DNAH8: variants seen among roughly 807,000 people sequenced by gnomAD.
The protein encoded by DNAH8 is dynein axonemal heavy chain 8.
Under a neutral mutation model 562.1 loss-of-function variants are expected in DNAH8, and 382 were observed. That is an observed-to-expected ratio of 0.68 (90% CI 0.63 to 0.74). The LOEUF (loss-of-function observed/expected upper bound fraction) is 0.74. Ranked by LOEUF, DNAH8 falls within the 30% of genes least tolerant of loss-of-function variation. The pLI is 0.00. For missense variants in DNAH8, 5,203 were observed against 5,620.4 expected, an observed-to-expected ratio of 0.93 and a Z score of 2.37; for synonymous variants, 1,881 against 1,919.4, an observed-to-expected ratio of 0.98 and a Z score of 0.52.
chr6:38,988,631 C>T (rs1764573733), intron 87 of DNAH8, among the ~76,000 whole-genome samples: 1 of 152,174 alleles, frequency 6.6e-6, no homozygotes, highest in South Asian at 2.1e-4. Flanking sequence ...ATGACCTCAC[C>T]TCACTTTTCC....
intron 91 of DNAH8, among the ~76,000 whole-genome samples, chr6:39,024,971 G>A (rs1583588881): frequency 1.3e-5 from 2 of 152,264 alleles, no homozygotes; most frequent in East Asian, 1.9e-4. Flanking sequence ...ATTTTAGTGG[G>A]CACTCCGAGT....
chr6:38,770,988 G>A (rs1173824893), intron 12 of DNAH8, among the ~76,000 whole-genome samples: 3 of 152,200 alleles, frequency 2.0e-5, no homozygotes, highest in African/African-American at 7.2e-5. Flanking sequence ...TTGTGCGGGT[G>A]ATATCTTTTC....
At chr6:38,808,872 TA>T (rs1485969036) in intron 24 of DNAH8, among the ~76,000 whole-genome samples, 1 of 152,062 alleles carries the variant, frequency 6.6e-6, no homozygotes, top group African/African-American at 2.4e-5. Context: ...TTCTCACTCA[TA>T]AATGGGAGTT....
intron 9 of DNAH8, among the ~76,000 whole-genome samples, chr6:38,753,923 C>T (rs762209411): frequency 6.6e-6 from 1 of 152,180 alleles, no homozygotes; most frequent in African/African-American, 2.4e-5. Context: ...GCTTCCCACT[C>T]ATACACCCAC....
At chr6:38,770,351 AT>A (rs1453775443) in intron 11 of DNAH8, 61 bp from the exon 12 acceptor site, 1 of 1,176,064 alleles carries the variant, frequency 8.5e-7, no homozygotes, top group Non-Finnish European at 1.2e-6. Flanking sequence ...GAGTTTTTGA[AT>A]TTTCGATTCC....
intron 92 of DNAH8, among the ~76,000 whole-genome samples, chr6:39,028,291 G>A (rs1345426485): frequency 6.6e-6 from 1 of 152,168 alleles, no homozygotes; most frequent in Non-Finnish European, 1.5e-5. Context: ...ACCTTGGGTG[G>A]CTAAAAACAA....
chr6:38,840,589 G>C (rs1293033292), intron 33 of DNAH8, among the ~76,000 whole-genome samples: 2 of 152,096 alleles, frequency 1.3e-5, no homozygotes, highest in Admixed American at 1.3e-4. Flanking sequence ...ATTCATCTAG[G>C]TTATGATCAT....
chr6:38,910,785 CA>C (rs1421041847), intron 65 of DNAH8, among the ~76,000 whole-genome samples: 2 of 151,984 alleles, frequency 1.3e-5, no homozygotes, highest in African/African-American at 4.8e-5. Flanking sequence ...AAAAAAAACT[CA>C]AAAGCATTAA....
At chr6:38,763,814 T>G (rs184095788) in intron 11 of DNAH8, 1 of 152,604 alleles carries the variant, frequency 6.6e-6, no homozygotes, top group Non-Finnish European at 1.5e-5. Flanking sequence ...GTTTCAACAT[T>G]AAAAAAAGAA....
At position 38,929,568 on chromosome 6, in the gene DNAH8, G is replaced by A; in HGVS notation, c.11176G>A (p.Gly3726Ser). The A allele has an allele frequency of 1.2e-6, 2 of 1,612,530 alleles. No individual in the cohort carries two copies. Among genetic ancestry groups the A allele is most frequent in the South Asian group, 1.1e-5 (1 of 90,958 alleles). ...RTHLEDSLSL[G>S]RPLLIEDIHE... Reference sequence around the variant, plus strand: ...ACACTTGGAGGACAGCCTTTCCTTGGGCCGACCCCTTCTCATTGAGGACAT... The same window carrying A: ...ACACTTGGAGGACAGCCTTTCCTTGAGCCGACCCCTTCTCATTGAGGACAT... Residue 3726 changes from glycine (G) to serine (S), a missense_variant, in exon 75 of 93, where the codon GGC becomes AGC. Transcript: ENST00000327475.
intron 26 of DNAH8, among the ~76,000 whole-genome samples, chr6:38,819,915 T>C (rs1772667539): frequency 6.6e-6 from 1 of 152,124 alleles, no homozygotes; most frequent in African/African-American, 2.4e-5. Context: ...GTAAAAAAAA[T>C]TTGCACAGCA....
chr6:38,907,581 A>T (rs867229644), intron 63 of DNAH8, among the ~76,000 whole-genome samples: 2 of 152,172 alleles, frequency 1.3e-5, no homozygotes, highest in African/African-American at 4.8e-5. Context: ...TCTTCCCTAC[A>T]CCATGGTATA....
intron 5 of DNAH8, among the ~76,000 whole-genome samples, chr6:38,735,546 C>T (rs548501218): frequency 4.7e-4 from 71 of 152,282 alleles, no homozygotes; most frequent in African/African-American, 1.7e-3. Context: ...TGTAGTTTCA[C>T]CACAATGCCT....
intron 84 of DNAH8, 98 bp from the exon 85 acceptor site, chr6:38,974,276 C>A: frequency 1.0e-6 from 1 of 969,544 alleles, no homozygotes. Context: ...CAGTCCCAAG[C>A]ATTTCAGATA....
At chr6:38,963,113 A>G (rs1762720864) in intron 82 of DNAH8, among the ~76,000 whole-genome samples, 1 of 152,182 alleles carries the variant, frequency 6.6e-6, no homozygotes, top group South Asian at 2.1e-4. Flanking sequence ...TGTTCCCCCC[A>G]AAACCTGTTG....
Position 38,852,612 on chromosome 6 carries a change from AT to A in DNAH8, c.5467-81del, listed in dbSNP as rs1775844071. Reference sequence around the variant, plus strand: ...AGTAAATACTTAACCTTTTAAAAAGATACAAAATATTAAGGCTTTTAAAAAC... The same window carrying A: ...AGTAAATACTTAACCTTTTAAAAAGAACAAAATATTAAGGCTTTTAAAAAC... On this transcript the variant is annotated intron_variant, in intron 39 of 92. Transcript: ENST00000327475. The A allele has an allele frequency of 4.1e-6, 4 of 968,878 alleles. No homozygotes were observed. In the East Asian group the frequency reaches 1.0e-4, roughly 24 times the overall value. The allele number at this position is 968,878 out of a possible 1,614,324, so 60.0% of individuals were successfully genotyped here. A position where few individuals can be genotyped will look rare whatever the true frequency, so the allele number is the denominator to read the frequency against.
intron 24 of DNAH8, among the ~76,000 whole-genome samples, chr6:38,809,618 T>C (rs1771615332): frequency 6.6e-6 from 1 of 152,200 alleles, no homozygotes; most frequent in Non-Finnish European, 1.5e-5. Flanking sequence ...TACCTCTTCA[T>C]TGATATGTCT....
intron 28 of DNAH8, among the ~76,000 whole-genome samples, chr6:38,825,294 C>T (rs1012656393): frequency 1.3e-5 from 2 of 152,056 alleles, no homozygotes; most frequent in Admixed American, 6.6e-5. Flanking sequence ...AAGGCAAGAG[C>T]GGTGCAGCCA....
intron 73 of DNAH8, 101 bp downstream of exon 73, chr6:38,924,263 A>T (rs1196366775): frequency 1.6e-6 from 2 of 1,223,552 alleles, no homozygotes; most frequent in African/African-American, 3.0e-5. Flanking sequence ...CTGTAATCCC[A>T]GCACTTTGGG....
Sources: gnomAD v4.1 joint callset for allele counts (sites outside exome capture counted in the v4.1 genomes callset) on GRCh38, gnomAD v4.1.1 for gene constraint, MANE v1.5 for transcripts, NCBI Gene and HGNC (gene_info 2026-07-23, HGNC 2026-07-21) for gene names.